Variants in GK5 observed in about 807,000 individuals in gnomAD.
The protein encoded by GK5 is ATP:glycerol 3-phosphotransferase 5.
Under a neutral mutation model 77.3 loss-of-function variants are expected in GK5, and 39 were observed. The ratio of observed to expected loss-of-function variants is 0.50; its 90% confidence interval spans 0.39 to 0.66. GK5 has a LOEUF of 0.66. Ranked by LOEUF, GK5 falls within the 30% of genes least tolerant of loss-of-function variation. The probability of loss-of-function intolerance (pLI) is 0.00; values close to 1 mark genes in which losing one functional copy is unlikely to be tolerated. For synonymous variants in GK5, 211 were observed against 208.0 expected, an observed-to-expected ratio of 1.01 and a Z score of -0.13; for missense variants, 487 against 633.8, an observed-to-expected ratio of 0.77 and a Z score of 2.49.
intron 10 of GK5, 91 bp downstream of exon 10, chr3:142,182,832 C>G: frequency 1.2e-6 from 1 of 845,852 alleles, no homozygotes. Context: ...GAGAATATCA[C>G]AAAATGGGAA....
At chr3:142,220,414 C>T (rs2064326619) in intron 1 of GK5, among the ~76,000 whole-genome samples, 1 of 152,162 alleles carries the variant, frequency 6.6e-6, no homozygotes. Flanking sequence ...GGATTACAGG[C>T]GTCAGCCACC....
At chr3:142,211,019 C>T (rs1473551374) in intron 3 of GK5, among the ~76,000 whole-genome samples, 1 of 152,240 alleles carries the variant, frequency 6.6e-6, no homozygotes, top group Non-Finnish European at 1.5e-5. Context: ...TTGGTGGGAG[C>T]AGGGACCCGC....
intron 2 of GK5, 84 bp downstream of exon 2, chr3:142,215,514 GA>G (rs2064261864): frequency 5.8e-6 from 4 of 692,906 alleles, no homozygotes; most frequent in East Asian, 2.8e-5. Flanking sequence ...TATAACTTAG[GA>G]AAACCACAAC....
intron 10 of GK5, among the ~76,000 whole-genome samples, chr3:142,182,296 A>G (rs544750656): frequency 1.6e-4 from 25 of 152,286 alleles, no homozygotes; most frequent in Non-Finnish European, 2.9e-4. Flanking sequence ...AAAGAAATTC[A>G]CAAAATAATT....
At chr3:142,175,599 T>C (rs528576364) in intron 12 of GK5, among the ~76,000 whole-genome samples, 75 of 152,250 alleles carry the variant, frequency 4.9e-4, no homozygotes, top group Non-Finnish European at 9.0e-4. Context: ...TAACACATTA[T>C]TGCTGTTTGG....
chr3:142,210,417 C>T (rs2064175347), intron 3 of GK5, among the ~76,000 whole-genome samples: 1 of 152,130 alleles, frequency 6.6e-6, no homozygotes, highest in African/African-American at 2.4e-5. Context: ...TGTGTTGTGT[C>T]CCGGCTGTTT....
intron 3 of GK5, among the ~76,000 whole-genome samples, chr3:142,207,228 G>A (rs954908677): frequency 6.6e-6 from 1 of 152,144 alleles, no homozygotes; most frequent in Non-Finnish European, 1.5e-5. Context: ...GGACGCATGA[G>A]GGGGGTGCCT....
chr3:142,165,261 G>T lies in GK5; in HGVS notation c.*361C>A, dbSNP rs756240712. ...TTGGAACAATATGTGCATGGTACTTGACCCAGAACTATTAGCTTGGATGGT... is the reference window on the plus strand; with the variant it reads ...TTGGAACAATATGTGCATGGTACTTTACCCAGAACTATTAGCTTGGATGGT... On this transcript the variant is annotated 3_prime_UTR_variant, in exon 16 of 16. Coordinates refer to ENST00000392993, the MANE Select transcript of GK5 (RefSeq NM_001039547.3). 1.2e-5 allele frequency: 2 copies of T among 168,098 alleles called. No individual in the cohort carries two copies. Among genetic ancestry groups the T allele is most frequent in the Non-Finnish European group, 2.5e-5 (2 of 78,992 alleles). The allele number at this position is 168,098 out of a possible 1,614,324, so 10.4% of individuals were successfully genotyped here.
chr3:142,186,620 T>A (rs976262389), intron 6 of GK5, 107 bp from the exon 7 acceptor site: 2 of 474,460 alleles, frequency 4.2e-6, no homozygotes, highest in Non-Finnish European at 7.3e-6. Flanking sequence ...CATTCCAAAA[T>A]GTGTATTTTC....
chr3:142,183,991 A>G (rs892322417), intron 9 of GK5, among the ~76,000 whole-genome samples: 7 of 151,680 alleles, frequency 4.6e-5, no homozygotes, highest in Non-Finnish European at 1.0e-4. Flanking sequence ...AGGCGCGGTG[A>G]CTCACGCCTG....
chr3:142,160,704 A>G lies in GK5; in HGVS notation c.*4918T>C, dbSNP rs1299169503. On this transcript the variant is annotated 3_prime_UTR_variant, in exon 16 of 16. Coordinates refer to ENST00000392993, the MANE Select transcript of GK5 (RefSeq NM_001039547.3). ...TCTACACAAATAGTTTTTCAAATAT[A>G]TAAACATATTAAGAATTTTATTTTA... The G allele has an allele frequency of 6.6e-6, 1 of 152,234 alleles. No individual in the cohort carries two copies. The highest frequency in any genetic ancestry group is 1.5e-5 in the Non-Finnish European group (1 of 68,040). 9.4% of individuals were successfully genotyped at this position (152,234 alleles called of 1,614,324 possible). A position where few individuals can be genotyped will look rare whatever the true frequency, so the allele number is the denominator to read the frequency against.
intron 11 of GK5, among the ~76,000 whole-genome samples, chr3:142,179,526 A>T (rs1272744941): frequency 1.3e-5 from 2 of 152,182 alleles, no homozygotes; most frequent in African/African-American, 4.8e-5. Context: ...CTTTAAAAAA[A>T]TTGGTTTTAA....
At chr3:142,179,116 G>A (rs1406132131) in intron 11 of GK5, among the ~76,000 whole-genome samples, 1 of 152,186 alleles carries the variant, frequency 6.6e-6, no homozygotes, top group East Asian at 1.9e-4. Flanking sequence ...AAAAGACTCA[G>A]TCGTAATAAA....
At chr3:142,220,513 T>A (rs2064329855) in intron 1 of GK5, among the ~76,000 whole-genome samples, 1 of 152,218 alleles carries the variant, frequency 6.6e-6, no homozygotes. Flanking sequence ...AATACCTCAC[T>A]GCCTGCTCAG....
intron 5 of GK5, among the ~76,000 whole-genome samples, chr3:142,188,471 T>C (rs1215172868): frequency 6.6e-6 from 1 of 152,030 alleles, no homozygotes; most frequent in Non-Finnish European, 1.5e-5. Flanking sequence ...GAGGTGGAGC[T>C]TGCAGTGAGC....
At chr3:142,187,800 A>T in intron 5 of GK5, 21 bp from the exon 6 acceptor site, 1 of 1,589,462 alleles carries the variant, frequency 6.3e-7, no homozygotes, top group Non-Finnish European at 8.6e-7. Context: ...CAACAGCACA[A>T]AATCGATTCA....
rs375938773 is a variant in GK5 at position 142,160,352 on chromosome 3, T to TG, written c.*5269dup. On this transcript the variant is annotated 3_prime_UTR_variant, in exon 16 of 16. Coordinates refer to ENST00000392993, the MANE Select transcript of GK5 (RefSeq NM_001039547.3). Reference sequence around the variant, plus strand: ...TTTCCCAAAGGGATTCAGAATCCTTTGGGGTACATTCAAGTCTTCTAGGCC... The same window carrying TG: ...TTTCCCAAAGGGATTCAGAATCCTTTGGGGGTACATTCAAGTCTTCTAGGCC... The TG allele has an allele frequency of 1.4e-4, 22 of 152,208 alleles. No individual in the cohort carries two copies. The highest frequency in any genetic ancestry group is 5.3e-4 in the African/African-American group (22 of 41,458). 9.4% of individuals were successfully genotyped at this position (152,208 alleles called of 1,614,324 possible).
At position 142,225,537 on chromosome 3, in the gene GK5, GCCCAACCCGGGC is replaced by G. The variant is rs1278973973; in HGVS notation, c.-94_-83del. 6.0e-6 allele frequency: 9 copies of G among 1,498,526 alleles called. No homozygotes were observed. Among genetic ancestry groups the G allele is most frequent in the Admixed American group, 4.3e-5 (2 of 46,936 alleles). The allele number at this position is 1,498,526 out of a possible 1,614,324, so 92.8% of individuals were successfully genotyped here. ...CCCAATGCTCCAGAGTCCCCGGGCG[GCCCAACCCGGGC>G]CCCAACCCGGCTCAGCCGGAGAGCC... On this transcript the variant is annotated 5_prime_UTR_variant, in exon 1 of 16. Transcript: ENST00000392993.
intron 10 of GK5, 152 bp from the exon 11 acceptor site, chr3:142,181,717 T>C: frequency 1.8e-6 from 1 of 570,906 alleles, no homozygotes; most frequent in Non-Finnish European, 3.0e-6. Context: ...TTACATTTAC[T>C]AGCTGTAGTC....
Sources: allele counts gnomAD v4.1 joint callset (sites outside exome capture counted in the v4.1 genomes callset), GRCh38; gene constraint gnomAD v4.1.1; transcripts MANE v1.5; gene names NCBI Gene and HGNC (gene_info 2026-07-23, HGNC 2026-07-21).